The following EPB41L4A variants were observed in gnomAD, a reference collection of about 807,000 sequenced individuals.
EPB41L4A encodes band 4.1-like protein 4A.
EPB41L4A carries 100 observed loss-of-function variants against 108.6 expected under a neutral mutation model. The ratio of observed to expected loss-of-function variants is 0.92; its 90% CI spans 0.78 to 1.09. EPB41L4A has a LOEUF of 1.09. Among genes scored for constraint, EPB41L4A ranks in the 50% least tolerant of loss-of-function variants. The probability of loss-of-function intolerance (pLI) is 0.00; values close to 1 mark genes in which losing one functional copy is unlikely to be tolerated. For missense variants in EPB41L4A, 1,030 were observed against 842.7 expected (o/e 1.22, Z -2.75); for synonymous variants, 319 against 289.0 (o/e 1.10, Z -1.05).
intron 11 of EPB41L4A, among the ~76,000 whole-genome samples, chr5:112,238,971 C>T (rs1749569158): frequency 6.6e-6 from 1 of 152,198 alleles, no homozygotes; most frequent in Admixed American, 6.5e-5. Flanking sequence ...AACAGGCTAA[C>T]AGTTTGCCTA....
chr5:112,249,532 T>C (rs373631262), intron 9 of EPB41L4A: 2 of 152,284 alleles, frequency 1.3e-5, no homozygotes, highest in South Asian at 2.1e-4. Context: ...TTAGTACACA[T>C]GATATCCTGG....
intron 1 of EPB41L4A, among the ~76,000 whole-genome samples, chr5:112,330,106 A>G (rs1409968315): frequency 1.3e-5 from 2 of 151,904 alleles, no homozygotes; most frequent in Non-Finnish European, 2.9e-5. Flanking sequence ...TGGTAGCAAG[A>G]ACGGCTTGCT....
intron 12 of EPB41L4A, among the ~76,000 whole-genome samples, chr5:112,214,796 G>A (rs915228571): frequency 6.6e-6 from 1 of 151,936 alleles, no homozygotes; most frequent in Non-Finnish European, 1.5e-5. Context: ...AAAAAACACA[G>A]AGGGCAATTT....
chr5:112,343,961 C>T (rs1347975639), intron 1 of EPB41L4A, among the ~76,000 whole-genome samples: 1 of 152,148 alleles, frequency 6.6e-6, no homozygotes, highest in Non-Finnish European at 1.5e-5. Flanking sequence ...GAGGCCAAAA[C>T]AAGAAGATTG....
chr5:112,185,369 A>G (rs938844637), intron 17 of EPB41L4A, among the ~76,000 whole-genome samples: 1 of 152,250 alleles, frequency 6.6e-6, no homozygotes, highest in African/African-American at 2.4e-5. Context: ...TGTGGGCTGG[A>G]TATCTGGATT....
intron 12 of EPB41L4A, among the ~76,000 whole-genome samples, chr5:112,224,065 C>G (rs1277325999): frequency 2.6e-5 from 4 of 152,192 alleles, no homozygotes; most frequent in African/African-American, 9.7e-5. Context: ...GATTCTTCTG[C>G]CTCAGCCTCC....
chr5:112,318,926 C>T (rs182669709), intron 1 of EPB41L4A, among the ~76,000 whole-genome samples: 147 of 152,328 alleles, frequency 9.7e-4, no homozygotes, highest in African/African-American at 3.3e-3. Context: ...TCTCCCTATA[C>T]TGTAACCCTT....
intron 1 of EPB41L4A, among the ~76,000 whole-genome samples, chr5:112,394,631 G>T (rs1222008645): frequency 1.3e-5 from 2 of 152,168 alleles, no homozygotes; most frequent in Non-Finnish European, 2.9e-5. Context: ...CTCATGGATA[G>T]GAAGAATCAA....
intron 13 of EPB41L4A, chr5:112,145,795 G>T (rs1418576146): frequency 1.2e-5 from 4 of 334,620 alleles, no homozygotes; most frequent in Non-Finnish European, 2.4e-5. Context: ...AAAAGGCCAA[G>T]AACAACCCTA....
chr5:112,180,278 T>A (rs1409669050), intron 18 of EPB41L4A, among the ~76,000 whole-genome samples: 1 of 151,994 alleles, frequency 6.6e-6, no homozygotes, highest in South Asian at 2.1e-4. Context: ...CAATCTTGCA[T>A]AAAGGGGGAG....
chr5:112,299,734 C>T (rs1486507309), intron 2 of EPB41L4A, among the ~76,000 whole-genome samples: 1 of 152,314 alleles, frequency 6.6e-6, no homozygotes, highest in Non-Finnish European at 1.5e-5. Flanking sequence ...TCTTGATGAC[C>T]TGTCTAGTGC....
At chr5:112,315,370 C>G (rs1460117988) in intron 1 of EPB41L4A, among the ~76,000 whole-genome samples, 1 of 152,218 alleles carries the variant, frequency 6.6e-6, no homozygotes, top group Non-Finnish European at 1.5e-5. Context: ...CACTTACTTT[C>G]TATGCAGTCC....
At chr5:112,219,371 T>C (rs1009020349) in intron 12 of EPB41L4A, among the ~76,000 whole-genome samples, 4 of 152,282 alleles carry the variant, frequency 2.6e-5, no homozygotes, top group African/African-American at 4.8e-5. Flanking sequence ...TGTGAAGACA[T>C]GCCTTCTGCC....
intron 2 of EPB41L4A, among the ~76,000 whole-genome samples, chr5:112,305,137 T>C (rs1040869901): frequency 1.3e-5 from 2 of 152,212 alleles, no homozygotes; most frequent in African/African-American, 4.8e-5. Context: ...GGTGGAATTC[T>C]GGTCCTAATA....
rs571991693 is a variant in EPB41L4A, at chr5:112,234,866, A to G, written c.966-111T>C. 106 of 1,175,594 alleles carry G rather than the reference A, an allele frequency of 9.0e-5. No homozygotes were observed. The African/African-American group carries it at 1.5e-3, about 16-fold the overall frequency. 72.8% of individuals were successfully genotyped at this position (1,175,594 alleles called of 1,614,324 possible). A position where few individuals can be genotyped will look rare whatever the true frequency, so the allele number is the denominator to read the frequency against. On this transcript the variant is annotated intron_variant, in intron 11 of 22. Transcript: ENST00000261486. The stretch of plus-strand genomic sequence containing the variant: ...TATGGAGAGAAGAAAAAACACACAG[A>G]CTCCCTGGTTTTTAATTGATTCTCA...
intron 6 of EPB41L4A, among the ~76,000 whole-genome samples, chr5:112,263,207 G>A (rs1219877805): frequency 6.6e-6 from 1 of 152,164 alleles, no homozygotes; most frequent in African/African-American, 2.4e-5. Flanking sequence ...CCAGAAATCT[G>A]CACAGAAGAG....
intron 12 of EPB41L4A, among the ~76,000 whole-genome samples, chr5:112,211,312 A>G (rs1284936481): frequency 1.3e-5 from 2 of 152,282 alleles, no homozygotes; most frequent in African/African-American, 4.8e-5. Flanking sequence ...GGCCAGGCGC[A>G]GTGGCTCACG....
intron 1 of EPB41L4A, among the ~76,000 whole-genome samples, chr5:112,398,950 T>C (rs1187659131): frequency 6.7e-6 from 1 of 149,156 alleles, no homozygotes; most frequent in Admixed American, 6.7e-5. Flanking sequence ...AAAAAAAGTA[T>C]GACATTAACA....
chr5:112,410,382 T>C (rs1762338290), intron 1 of EPB41L4A, among the ~76,000 whole-genome samples: 1 of 152,108 alleles, frequency 6.6e-6, no homozygotes, highest in Non-Finnish European at 1.5e-5. Context: ...TAGATGCAGG[T>C]GGTTAATGCT....
Sources: allele counts gnomAD v4.1 joint callset (sites outside exome capture counted in the v4.1 genomes callset), GRCh38; gene constraint gnomAD v4.1.1; transcripts MANE v1.5; gene names NCBI Gene and HGNC (gene_info 2026-07-23, HGNC 2026-07-21).